The following CDH12 variants were observed in gnomAD, a reference collection of about 807,000 sequenced individuals.
CDH12 encodes cadherin 12.
In CDH12, 41 loss-of-function variants were observed where a neutral mutation model predicts 74.1. That is an observed-to-expected ratio of 0.55 (90% confidence interval 0.43 to 0.72). The LOEUF (loss-of-function observed/expected upper bound fraction) is 0.72, where lower values mean the gene tolerates loss of function less well. CDH12 is among the 30% of genes least tolerant of loss of function. The pLI, the probability that CDH12 is intolerant of heterozygous loss-of-function variation, is 0.00. For synonymous variants in CDH12, 399 were observed against 355.0 expected (o/e 1.12, Z -1.39); for missense variants, 945 against 977.2 (o/e 0.97, Z 0.44).
intron 2 of CDH12, among the ~76,000 whole-genome samples, chr5:22,421,852 G>T (rs2126497887): frequency 6.6e-6 from 1 of 152,228 alleles, no homozygotes; most frequent in Non-Finnish European, 1.5e-5. Flanking sequence ...AGCATCTGTT[G>T]TTTACTGACT....
intron 2 of CDH12, among the ~76,000 whole-genome samples, chr5:22,435,068 A>T (rs902820842): frequency 8.5e-5 from 13 of 152,086 alleles, no homozygotes; most frequent in Admixed American, 6.6e-4. Flanking sequence ...GATCCTGGGG[A>T]TGTCTGTGAG....
intron 1 of CDH12, among the ~76,000 whole-genome samples, chr5:22,699,651 A>G (rs772021394): frequency 2.6e-5 from 4 of 152,186 alleles, no homozygotes; most frequent in Non-Finnish European, 5.9e-5. Flanking sequence ...TAAAACAAGA[A>G]TTAATACATA....
At chr5:22,590,200 G>A (rs1311311615) in intron 1 of CDH12, among the ~76,000 whole-genome samples, 6 of 152,072 alleles carry the variant, frequency 3.9e-5, no homozygotes, top group African/African-American at 1.4e-4. Context: ...TAGTCTTCAG[G>A]TAGCAGAATA....
chr5:22,226,000 CAT>C (rs34547685), intron 3 of CDH12, among the ~76,000 whole-genome samples: 56,279 of 151,648 alleles, frequency 0.37, 10,924 homozygotes, highest in South Asian at 0.49. Context: ...CAACATCAGA[CAT>C]AGAATATTCA....
At chr5:21,845,510 G>A (rs1750116142) in intron 7 of CDH12, among the ~76,000 whole-genome samples, 1 of 149,922 alleles carries the variant, frequency 6.7e-6, no homozygotes. Flanking sequence ...CCCCATGAAT[G>A]CCTGCCCAGT....
chr5:22,401,058 T>G (rs1279253687), intron 3 of CDH12, among the ~76,000 whole-genome samples: 2 of 152,202 alleles, frequency 1.3e-5, no homozygotes, highest in Non-Finnish European at 2.9e-5. Flanking sequence ...GCCATTATTA[T>G]ATCTGCATTC....
intron 2 of CDH12, among the ~76,000 whole-genome samples, chr5:22,427,933 T>C (rs557315434): frequency 2.0e-4 from 31 of 152,296 alleles, no homozygotes; most frequent in African/African-American, 7.0e-4. Context: ...GGAAAGAACA[T>C]GCAGAGCTAA....
chr5:22,846,717 G>T (rs1458359717), intron 1 of CDH12, among the ~76,000 whole-genome samples: 5 of 152,158 alleles, frequency 3.3e-5, no homozygotes, highest in Admixed American at 3.3e-4. Flanking sequence ...TGTTTTGTGT[G>T]TTTTAAATAA....
chr5:21,755,488 A>G, intron 14 of CDH12, 103 bp downstream of exon 14: 1 of 1,004,474 alleles, frequency 1.0e-6, no homozygotes. Flanking sequence ...ATGAATAAAA[A>G]CTTGTTTACA....
intron 8 of CDH12, among the ~76,000 whole-genome samples, chr5:21,833,744 C>T (rs966307861): frequency 4.1e-5 from 6 of 146,944 alleles, no homozygotes; most frequent in Non-Finnish European, 6.0e-5. Context: ...GAATCTACCA[C>T]AAAACTTATC....
intron 1 of CDH12, among the ~76,000 whole-genome samples, chr5:22,773,628 A>G (rs1746930210): frequency 6.6e-6 from 1 of 152,130 alleles, no homozygotes; most frequent in Non-Finnish European, 1.5e-5. Flanking sequence ...CAATTGCAAT[A>G]AAAACAAAAA....
At chr5:22,108,757 A>T (rs1196019365) in intron 4 of CDH12, among the ~76,000 whole-genome samples, 3 of 152,222 alleles carry the variant, frequency 2.0e-5, no homozygotes, top group Admixed American at 6.5e-5. Context: ...AACACAGATG[A>T]CAAATAATGA....
chr5:22,741,782 G>A (rs1745036007), intron 1 of CDH12, among the ~76,000 whole-genome samples: 1 of 152,186 alleles, frequency 6.6e-6, no homozygotes, highest in African/African-American at 2.4e-5. Flanking sequence ...TCTCTAACAA[G>A]TGCAAGGGTT....
At chr5:21,863,210 A>G (rs1422518735) in intron 6 of CDH12, among the ~76,000 whole-genome samples, 3 of 152,016 alleles carry the variant, frequency 2.0e-5, no homozygotes, top group Non-Finnish European at 4.4e-5. Flanking sequence ...GACTACTCAC[A>G]CTTATTTACT....
chr5:22,077,538 C>G (rs142508587), intron 5 of CDH12, among the ~76,000 whole-genome samples: 25 of 152,182 alleles, frequency 1.6e-4, no homozygotes, highest in African/African-American at 5.8e-4. Context: ...AAACTCTCCT[C>G]AAGCATCAAT....
intron 4 of CDH12, among the ~76,000 whole-genome samples, chr5:22,084,225 A>G (rs1742922892): frequency 6.6e-6 from 1 of 152,174 alleles, no homozygotes; most frequent in Admixed American, 6.6e-5. Flanking sequence ...CAACTGTTCC[A>G]GGGAGCTCTT....
Position 22,468,378 on chromosome 5 carries a change from T to C in CDH12, c.-428+36892A>G, listed in dbSNP as rs778465053. On this transcript the variant is annotated intron_variant, in intron 2 of 14. Transcript: ENST00000382254. ...ATCTCTTTCAAAATTATATATTCAA[T>C]AATGTGGCTTCTCTATTCTTTATTG... Among the ~76,000 whole-genome samples, 97 of 152,210 alleles carry C rather than the reference T, an allele frequency of 6.4e-4. 1 individual carries two copies. Among genetic ancestry groups the C allele is most frequent in the Non-Finnish European group, 1.0e-3 (70 of 68,038 alleles).
chr5:21,895,845 C>T (rs1753100813), intron 6 of CDH12, among the ~76,000 whole-genome samples: 1 of 152,152 alleles, frequency 6.6e-6, no homozygotes. Flanking sequence ...AGGAAGATCC[C>T]CCAGGCCTGG....
rs556553616 is a variant in CDH12 at position 22,795,713 on chromosome 5, G to A, written c.-523+57345C>T. On this transcript the variant is annotated intron_variant, in intron 1 of 14. Transcript: ENST00000382254. Reference sequence around the variant, plus strand: ...GCATACATACACTGTATGGTAACTAGCAAGAGCAGACTATAAAAGCAAAGG... The same window carrying A: ...GCATACATACACTGTATGGTAACTAACAAGAGCAGACTATAAAAGCAAAGG... Among the ~76,000 whole-genome samples the A allele has an allele frequency of 8.6e-5, 13 of 151,764 alleles. No individual in the cohort carries two copies. The South Asian group carries it at 1.9e-3, about 22-fold the overall frequency.
Sources: gnomAD v4.1 joint callset for allele counts (sites outside exome capture counted in the v4.1 genomes callset) on GRCh38, gnomAD v4.1.1 for gene constraint, MANE v1.5 for transcripts, NCBI Gene and HGNC (gene_info 2026-07-23, HGNC 2026-07-21) for gene names.